The following KLF12 variants were observed in gnomAD, a reference collection of about 807,000 sequenced individuals.
KLF12 encodes the protein Krueppel-like factor 12.
KLF12 carries 9 observed loss-of-function variants against 37.8 expected under a neutral mutation model. That is an observed-to-expected ratio of 0.24 (90% CI 0.14 to 0.42). The LOEUF (loss-of-function observed/expected upper bound fraction) is 0.42, where lower values mean the gene tolerates loss of function less well. Among genes scored for constraint, KLF12 ranks in the 10% least tolerant of loss-of-function variants. KLF12 has a pLI of 1.00. For synonymous variants in KLF12, 208 were observed against 202.1 expected, an observed-to-expected ratio of 1.03 and a Z score of -0.25; for missense variants, 411 against 516.0, an observed-to-expected ratio of 0.80 and a Z score of 1.97.
the KLF12 span, among the ~76,000 whole-genome samples, chr13:74,250,053 A>T: frequency 6.6e-6 from 1 of 152,198 alleles, no homozygotes; most frequent in Non-Finnish European, 1.5e-5. Context: ...CATACATCTG[A>T]GGTCCTCATT....
At chr13:74,062,812 A>AT (rs1873680992) in intron 1 of KLF12, among the ~76,000 whole-genome samples, 1 of 152,210 alleles carries the variant, frequency 6.6e-6, no homozygotes, top group Admixed American at 6.5e-5. Context: ...GAAACAAAAG[A>AT]TTTCATCTCC....
At chr13:73,856,754 G>A (rs988419885) in intron 3 of KLF12, among the ~76,000 whole-genome samples, 6 of 152,120 alleles carry the variant, frequency 3.9e-5, no homozygotes, top group Admixed American at 2.6e-4. Flanking sequence ...TTTGGGAGGC[G>A]GAGGTGGGCA....
At chr13:73,963,052 T>G (rs17289305) in intron 2 of KLF12, among the ~76,000 whole-genome samples, 1 of 152,122 alleles carries the variant, frequency 6.6e-6, no homozygotes, top group Non-Finnish European at 1.5e-5. Flanking sequence ...GGTTAATAAT[T>G]TGAAATACCA....
chr13:74,121,342 A>C (rs919189381), intron 1 of KLF12, among the ~76,000 whole-genome samples: 1 of 152,114 alleles, frequency 6.6e-6, no homozygotes, highest in Non-Finnish European at 1.5e-5. Flanking sequence ...GTATTCCAAA[A>C]AATAGAAGAG....
At chr13:73,992,505 C>T (rs1891995970) in intron 2 of KLF12, among the ~76,000 whole-genome samples, 1 of 152,140 alleles carries the variant, frequency 6.6e-6, no homozygotes. Context: ...TGGATGAAGA[C>T]TGCTCCTGAA....
the KLF12 span, among the ~76,000 whole-genome samples, chr13:74,193,749 G>A: frequency 0.42 from 63,259 of 152,008 alleles, 16,055 homozygotes; most frequent in East Asian, 0.73. Flanking sequence ...AACATTATAA[G>A]CCTAACTCTC....
chr13:74,202,205 A>G, the KLF12 span, among the ~76,000 whole-genome samples: 1 of 152,202 alleles, frequency 6.6e-6, no homozygotes, highest in African/African-American at 2.4e-5. Flanking sequence ...CTATCCTTCC[A>G]GAAGAGGCAG....
chr13:74,134,706 GAGC>G (rs1396595508), upstream of KLF12, among the ~76,000 whole-genome samples: 2 of 152,056 alleles, frequency 1.3e-5, no homozygotes, highest in Non-Finnish European at 2.9e-5. Context: ...GACCCCTGGA[GAGC>G]AACTCGCTGG....
intron 4 of KLF12, among the ~76,000 whole-genome samples, chr13:73,824,182 C>T (rs948107409): frequency 9.9e-5 from 15 of 151,984 alleles, no homozygotes; most frequent in East Asian, 1.9e-4. Flanking sequence ...TTGATAAACA[C>T]GTATACACAG....
intron 4 of KLF12, among the ~76,000 whole-genome samples, chr13:73,833,217 A>C (rs888734572): frequency 1.3e-5 from 2 of 152,198 alleles, no homozygotes; most frequent in Admixed American, 6.5e-5. Flanking sequence ...ATTTTACCTG[A>C]GAGTAAAAGA....
chr13:74,044,714 G>A (rs1255101165), intron 1 of KLF12, among the ~76,000 whole-genome samples: 2 of 151,846 alleles, frequency 1.3e-5, no homozygotes, highest in Non-Finnish European at 2.9e-5. Flanking sequence ...ATGTAGTGGC[G>A]GGCGCCTGTA....
At chr13:74,091,202 C>T (rs1173338368) in intron 1 of KLF12, among the ~76,000 whole-genome samples, 4 of 152,100 alleles carry the variant, frequency 2.6e-5, no homozygotes, top group South Asian at 4.1e-4. Context: ...GGACCCTTGC[C>T]TCATAACATA....
intron 3 of KLF12, among the ~76,000 whole-genome samples, chr13:73,876,162 A>G (rs1886694292): frequency 6.6e-6 from 1 of 152,188 alleles, no homozygotes; most frequent in Non-Finnish European, 1.5e-5. Flanking sequence ...TAAAAAAAAA[A>G]AAAAAAGGTT....
At chr13:74,132,293 T>C (rs1287962756) in intron 1 of KLF12, among the ~76,000 whole-genome samples, 2 of 152,172 alleles carry the variant, frequency 1.3e-5, no homozygotes, top group Non-Finnish European at 2.9e-5. Context: ...TAAACAACTC[T>C]ATCGTCCAGT....
At chr13:74,255,116 AAT>A in the KLF12 span, among the ~76,000 whole-genome samples, 1 of 152,232 alleles carries the variant, frequency 6.6e-6, no homozygotes, top group South Asian at 2.1e-4. Flanking sequence ...CATTAAAAAT[AAT>A]ATATCTTCTG....
chr13:74,105,487 T>C (rs2138893026), intron 1 of KLF12, among the ~76,000 whole-genome samples: 1 of 152,304 alleles, frequency 6.6e-6, no homozygotes, highest in East Asian at 1.9e-4. Flanking sequence ...TTTGACATTA[T>C]TGTAGGTTTT....
upstream of KLF12, among the ~76,000 whole-genome samples, chr13:74,136,417 C>A (rs894031793): frequency 6.6e-6 from 1 of 152,170 alleles, no homozygotes; most frequent in African/African-American, 2.4e-5. Flanking sequence ...AGGATTTCAA[C>A]GAGAAACTTG....
chr13:73,756,886 G>T (rs1175649565), intron 6 of KLF12, among the ~76,000 whole-genome samples: 1 of 152,082 alleles, frequency 6.6e-6, no homozygotes, highest in Non-Finnish European at 1.5e-5. Context: ...TGGACCCTGG[G>T]TGCTGTCCTG....
chr13:74,138,945 C>T, the KLF12 span, among the ~76,000 whole-genome samples: 4 of 152,184 alleles, frequency 2.6e-5, no homozygotes, highest in Non-Finnish European at 5.9e-5. Context: ...CCTCTAAAAA[C>T]GATTCCTGCA....
Sources: gnomAD v4.1 joint callset for allele counts (sites outside exome capture counted in the v4.1 genomes callset) on GRCh38, gnomAD v4.1.1 for gene constraint, MANE v1.5 for transcripts, NCBI Gene and HGNC (gene_info 2026-07-23, HGNC 2026-07-21) for gene names.